Variants in AOAH observed in about 807,000 individuals in gnomAD.
The protein encoded by AOAH is acyloxyacyl hydrolase.
In AOAH, 64 loss-of-function variants were observed where a neutral mutation model predicts 92.2. The observed-to-expected ratio is 0.69, with a 90% CI of 0.57 to 0.86. The LOEUF is 0.86. AOAH is among the 40% of genes least tolerant of loss of function. The probability of loss-of-function intolerance (pLI) is 0.00; values close to 1 mark genes in which losing one functional copy is unlikely to be tolerated. For synonymous variants in AOAH, 263 were observed against 254.5 expected (o/e 1.03, Z -0.32); for missense variants, 656 against 694.6 (o/e 0.94, Z 0.62).
chr7:36,586,192 G>C (rs1254969774), intron 12 of AOAH, among the ~76,000 whole-genome samples: 3 of 152,048 alleles, frequency 2.0e-5, no homozygotes, highest in African/African-American at 7.2e-5. Flanking sequence ...ATTTTAACAA[G>C]TCTTCCTGAT....
At chr7:36,536,264 T>C (rs888203333) in intron 16 of AOAH, among the ~76,000 whole-genome samples, 5 of 152,232 alleles carry the variant, frequency 3.3e-5, no homozygotes, top group Non-Finnish European at 7.3e-5. Flanking sequence ...TCTCCTACCA[T>C]GCCTCTGTTT....
In AOAH at chr7:36,600,540, C is replaced by T. The variant is rs147432266; in HGVS notation, c.847-6110G>A. On this transcript the variant is annotated intron_variant, in intron 11 of 20. Coordinates refer to ENST00000617537, the MANE Select transcript of AOAH (RefSeq NM_001637.4). ...ATCCCGGGGAAAGGCCCCCGGGAGACGGCGCACACCACTGCTTGGGATGAC... is the reference window on the plus strand; with the variant it reads ...ATCCCGGGGAAAGGCCCCCGGGAGATGGCGCACACCACTGCTTGGGATGAC... 4.8e-4 allele frequency among the ~76,000 whole-genome samples: 72 copies of T among 151,130 alleles called. No individual in the cohort carries two copies. In the East Asian group the frequency reaches 6.7e-3, roughly 14 times the overall value.
chr7:36,571,055 G>T (rs567748187), intron 13 of AOAH, among the ~76,000 whole-genome samples: 4 of 152,268 alleles, frequency 2.6e-5, no homozygotes, highest in African/African-American at 9.6e-5. Flanking sequence ...GCTGAGTCAG[G>T]TGGAGTGGCT....
intron 12 of AOAH, among the ~76,000 whole-genome samples, chr7:36,589,039 T>C (rs1217734748): frequency 1.4e-5 from 2 of 143,664 alleles, no homozygotes; most frequent in African/African-American, 5.5e-5. Context: ...TGATGAATTT[T>C]AGCTTTTTAC....
intron 4 of AOAH, among the ~76,000 whole-genome samples, chr7:36,657,663 C>A (rs1040162821): frequency 6.6e-6 from 1 of 152,226 alleles, no homozygotes; most frequent in African/African-American, 2.4e-5. Flanking sequence ...GGCTGCCCAG[C>A]AGCACTGAAT....
intron 13 of AOAH, among the ~76,000 whole-genome samples, chr7:36,565,555 C>T (rs1285422028): frequency 6.8e-6 from 1 of 147,304 alleles, no homozygotes; most frequent in Non-Finnish European, 1.5e-5. Context: ...TTTTTTGAGA[C>T]AGGGTCTCAC....
At chr7:36,589,378 G>C (rs549003664) in intron 12 of AOAH, among the ~76,000 whole-genome samples, 1 of 152,228 alleles carries the variant, frequency 6.6e-6, no homozygotes, top group East Asian at 1.9e-4. Context: ...CTATACCATA[G>C]GCTCTATACC....
At chr7:36,526,768 A>C (rs994120120) in intron 19 of AOAH, among the ~76,000 whole-genome samples, 1 of 152,244 alleles carries the variant, frequency 6.6e-6, no homozygotes, top group Non-Finnish European at 1.5e-5. Context: ...TAATAGAAAC[A>C]AGGGAGGAAG....
intron 2 of AOAH, 42 bp from the exon 3 acceptor site, chr7:36,674,051 G>A (rs748763559): frequency 3.9e-5 from 48 of 1,222,150 alleles, no homozygotes; most frequent in Non-Finnish European, 4.8e-5. Context: ...TTTTTATTGC[G>A]ACGAATTTAA....
At chr7:36,618,165 G>GT (rs1417673229) in intron 10 of AOAH, 132 bp downstream of exon 10, 8 of 649,058 alleles carry the variant, frequency 1.2e-5, no homozygotes. Context: ...GAAAATAAAT[G>GT]TAAGTTGGTC....
intron 3 of AOAH, among the ~76,000 whole-genome samples, chr7:36,672,372 C>T (rs1795989761): frequency 6.6e-6 from 1 of 152,146 alleles, no homozygotes; most frequent in South Asian, 2.1e-4. Flanking sequence ...GGAACCAACC[C>T]AAATGCCCAT....
At chr7:36,661,731 T>C (rs914304321) in intron 3 of AOAH, among the ~76,000 whole-genome samples, 1 of 152,148 alleles carries the variant, frequency 6.6e-6, no homozygotes, top group African/African-American at 2.4e-5. Flanking sequence ...TGGGTTAGAA[T>C]TGGAGTGCAT....
intron 1 of AOAH, among the ~76,000 whole-genome samples, chr7:36,708,627 T>C (rs1242039340): frequency 1.3e-5 from 2 of 152,202 alleles, no homozygotes; most frequent in African/African-American, 4.8e-5. Context: ...TTTTTTGTTG[T>C]TGAAAACTGG....
At chr7:36,573,791 CT>C (rs1355313942) in intron 13 of AOAH, among the ~76,000 whole-genome samples, 1 of 152,182 alleles carries the variant, frequency 6.6e-6, no homozygotes, top group Non-Finnish European at 1.5e-5. Flanking sequence ...TTTTTGAGAT[CT>C]CTTACATAAG....
At chr7:36,596,294 A>G (rs926158886) in intron 11 of AOAH, among the ~76,000 whole-genome samples, 1 of 152,152 alleles carries the variant, frequency 6.6e-6, no homozygotes, top group Admixed American at 6.6e-5. Flanking sequence ...GAAAAACTCA[A>G]TCCTCCTATT....
At chr7:36,629,276 C>T (rs1005619315) in intron 6 of AOAH, among the ~76,000 whole-genome samples, 10 of 152,126 alleles carry the variant, frequency 6.6e-5, no homozygotes, top group Non-Finnish European at 1.3e-4. Flanking sequence ...TCAAATTGGA[C>T]CAAGAAAATC....
intron 11 of AOAH, among the ~76,000 whole-genome samples, chr7:36,607,116 G>T (rs1327714265): frequency 6.6e-6 from 1 of 152,230 alleles, no homozygotes; most frequent in Admixed American, 6.5e-5. Context: ...CAGGAGAGGA[G>T]AGGGGCTGCT....
intron 1 of AOAH, among the ~76,000 whole-genome samples, chr7:36,694,552 C>CACT (rs1368863124): frequency 1.3e-5 from 2 of 152,082 alleles, no homozygotes; most frequent in Non-Finnish European, 2.9e-5. Context: ...CTTTTCAATA[C>CACT]ACTTTTGTCT....
intron 13 of AOAH, among the ~76,000 whole-genome samples, chr7:36,561,874 C>T (rs770341591): frequency 7.2e-5 from 11 of 152,140 alleles, no homozygotes; most frequent in Admixed American, 5.2e-4. Context: ...TCCCTTCCTG[C>T]GCTCACACCC....
Sources: gnomAD v4.1 joint callset for allele counts (sites outside exome capture counted in the v4.1 genomes callset) on GRCh38, gnomAD v4.1.1 for gene constraint, MANE v1.5 for transcripts, NCBI Gene and HGNC (gene_info 2026-07-23, HGNC 2026-07-21) for gene names.